Variants in KLHDC4 observed in about 807,000 individuals in gnomAD.
KLHDC4 encodes kelch domain containing 4, also known as kelch domain-containing protein 4.
A neutral mutation model predicts 62.4 loss-of-function variants in KLHDC4; 90 were observed. The observed-to-expected ratio is 1.44, with a 90% CI of 1.22 to 1.72. KLHDC4 has a LOEUF of 1.72. Among genes scored for constraint, KLHDC4 ranks in the 40% most tolerant of loss-of-function variants. The pLI is 0.00. For missense variants in KLHDC4, 1,025 were observed against 699.7 expected, an observed-to-expected ratio of 1.47 and a Z score of -5.25; for synonymous variants, 386 against 284.4, an observed-to-expected ratio of 1.36 and a Z score of -3.59.
At chr16:87,699,415 C>T (rs996126740) in exon 1 of KLHDC4, 3 of 152,272 alleles carry the variant, frequency 2.0e-5, no homozygotes, top group Admixed American at 6.5e-5. Context: ...AGGGCAGGGC[C>T]GGGCGCGGTG....
chr16:87,708,263 C>T (rs1567644020), intron 11 of KLHDC4, 87 bp downstream of exon 11: 1 of 942,316 alleles, frequency 1.1e-6, no homozygotes, highest in Non-Finnish European at 1.6e-6. Flanking sequence ...ATTTACAAAG[C>T]TGAATTCCAA....
chr16:87,721,033 C>G (rs980047417), intron 7 of KLHDC4, among the ~76,000 whole-genome samples: 8 of 152,226 alleles, frequency 5.3e-5, no homozygotes, highest in African/African-American at 1.9e-4. Context: ...CCGAGACCAC[C>G]TTCTTAACGG....
intron 7 of KLHDC4, among the ~76,000 whole-genome samples, chr16:87,717,689 G>A (rs2037274966): frequency 6.7e-6 from 1 of 149,694 alleles, no homozygotes; most frequent in Admixed American, 6.6e-5. Flanking sequence ...CAAACCTAAG[G>A]GCCTAGCATT....
At chr16:87,764,719 C>T (rs1013022178) in intron 1 of KLHDC4, among the ~76,000 whole-genome samples, 1 of 147,454 alleles carries the variant, frequency 6.8e-6, no homozygotes, top group Non-Finnish European at 1.5e-5. Context: ...TTACTTTCTG[C>T]CAAGCACCAT....
chr16:87,756,012 C>T (rs78998512), intron 3 of KLHDC4: 13 of 173,668 alleles, frequency 7.5e-5, no homozygotes, highest in Non-Finnish European at 1.6e-4. Flanking sequence ...TACTGGCCTG[C>T]TCAAAAATAA....
At chr16:87,716,110 G>C (rs375277906) in intron 7 of KLHDC4, among the ~76,000 whole-genome samples, 49 of 152,170 alleles carry the variant, frequency 3.2e-4, no homozygotes, top group African/African-American at 1.1e-3. Flanking sequence ...CGTAGACTTT[G>C]GGTACACACT....
chr16:87,760,899 G>A (rs960418516), intron 2 of KLHDC4, among the ~76,000 whole-genome samples: 3 of 152,040 alleles, frequency 2.0e-5, no homozygotes, highest in South Asian at 2.1e-4. Flanking sequence ...TGGGTATGGT[G>A]GCTGGCGCCT....
In KLHDC4 at chr16:87,765,847, T is replaced by C; in HGVS notation, c.44A>G (p.Glu15Gly). ...CTTCTCCATCTTGGCGGCCGTCTTC[T>C]CCGCGCCGCGGCCCTTCTTCTCCTT... ...GKKEKKGRGAEKTAAKMEKKV... is the reference protein window; with the variant it reads ...GKKEKKGRGAGKTAAKMEKKV... The change falls in exon 1 of 12, where the codon GAG (glutamate) becomes GGG (glycine). Residue 15 changes from glutamate to glycine, a missense_variant. Coordinates refer to ENST00000270583, the MANE Select transcript of KLHDC4 (RefSeq NM_017566.4). 1 of 1,555,198 alleles carries C rather than the reference T, an allele frequency of 6.4e-7. No homozygotes were observed. Among genetic ancestry groups the C allele is most frequent in the Non-Finnish European group, 8.7e-7 (1 of 1,148,792 alleles).
At chr16:87,706,659 G>A (rs57230542), downstream of KLHDC4, among the ~76,000 whole-genome samples, 1,588 of 152,322 alleles carry the variant, frequency 0.01, 35 homozygotes, top group African/African-American at 0.036. Context: ...GATGGCAGTG[G>A]GCGGGGCCCT....
chr16:87,752,162 T>C (rs1331494689), intron 4 of KLHDC4, among the ~76,000 whole-genome samples: 1 of 138,760 alleles, frequency 7.2e-6, no homozygotes, highest in Non-Finnish European at 1.5e-5. Context: ...ATCCCAGCTC[T>C]CAGGGAAGCA....
chr16:87,719,329 ATTC>A (rs886700344), intron 7 of KLHDC4, among the ~76,000 whole-genome samples: 1 of 152,258 alleles, frequency 6.6e-6, no homozygotes, highest in Non-Finnish European at 1.5e-5. Flanking sequence ...ACTAAGAAAA[ATTC>A]TTCTGCCTTG....
At chr16:87,765,179 C>G (rs777089190) in intron 1 of KLHDC4, 2 of 456,082 alleles carry the variant, frequency 4.4e-6, no homozygotes, top group South Asian at 3.1e-5. Context: ...ACCCCAAGGT[C>G]AGGACGGATC....
chr16:87,756,974 C>T (rs1199788793), intron 2 of KLHDC4, among the ~76,000 whole-genome samples: 5 of 151,820 alleles, frequency 3.3e-5, no homozygotes, highest in Admixed American at 6.6e-5. Context: ...CCACCACACC[C>T]AGCTAGTTTT....
downstream of KLHDC4, among the ~76,000 whole-genome samples, chr16:87,705,257 GCCA>G (rs1258932585): frequency 1.3e-5 from 2 of 152,256 alleles, no homozygotes; most frequent in Admixed American, 6.5e-5. Flanking sequence ...TGGCTATCTG[GCCA>G]CCAAGTAGTT....
intron 5 of KLHDC4, among the ~76,000 whole-genome samples, chr16:87,734,634 G>T (rs1381194049): frequency 1.3e-5 from 2 of 152,172 alleles, no homozygotes; most frequent in Non-Finnish European, 2.9e-5. Flanking sequence ...GAAGCAATCA[G>T]TTCCTTTTTC....
chr16:87,763,562 G>C (rs2046190759), intron 1 of KLHDC4: 1 of 152,230 alleles, frequency 6.6e-6, no homozygotes, highest in African/African-American at 2.4e-5. Context: ...CTGAGATCAT[G>C]CCACTGCGAC....
At chr16:87,718,308 C>T (rs1261774732) in intron 7 of KLHDC4, among the ~76,000 whole-genome samples, 2 of 90,766 alleles carry the variant, frequency 2.2e-5, no homozygotes, top group Non-Finnish European at 4.3e-5. Context: ...TCTCCCTCCC[C>T]CTCTCCCTCC....
At chr16:87,710,676 G>C (rs1366313054) in intron 9 of KLHDC4, 8 of 152,992 alleles carry the variant, frequency 5.2e-5, no homozygotes, top group African/African-American at 1.9e-4. Flanking sequence ...TTCCAGCCCA[G>C]GTGCCACCAC....
chr16:87,758,454 G>C (rs2045336498), intron 2 of KLHDC4, among the ~76,000 whole-genome samples: 2 of 152,180 alleles, frequency 1.3e-5, no homozygotes, highest in Non-Finnish European at 2.9e-5. Flanking sequence ...GTCACAAAAA[G>C]ACACTTCTAT....
Sources: allele counts gnomAD v4.1 joint callset (sites outside exome capture counted in the v4.1 genomes callset), GRCh38; gene constraint gnomAD v4.1.1; transcripts MANE v1.5; gene names NCBI Gene and HGNC (gene_info 2026-07-23, HGNC 2026-07-21).